The following PCSK6 variants were observed in gnomAD, a reference collection of about 807,000 sequenced individuals.
The protein encoded by PCSK6 is proprotein convertase subtilisin/kexin type 6.
Under a neutral mutation model 123.3 loss-of-function variants are expected in PCSK6, and 85 were observed. The observed-to-expected ratio is 0.69, with a 90% CI of 0.58 to 0.83. The LOEUF is 0.83. PCSK6 is among the 40% of genes least tolerant of loss of function. The pLI, the probability that PCSK6 is intolerant of heterozygous loss-of-function variation, is 0.00. For missense variants in PCSK6, 1,191 were observed against 1,282.3 expected (o/e 0.93, Z 1.09); for synonymous variants, 508 against 516.0 (o/e 0.98, Z 0.21).
In PCSK6 at chr15:101,389,582, A is replaced by G. The variant is rs750716012; in HGVS notation, c.1210-18T>C. On this transcript the variant is annotated intron_variant, in intron 8 of 21. Coordinates refer to ENST00000611716, the MANE Select transcript of PCSK6 (RefSeq NM_002570.5). ...GTGGTGACCTGGGGGAGAGAGAAGC[A>G]CAGTGAGGCAGTGATGGCAGACAGG... The G allele has an allele frequency of 6.9e-6, 11 of 1,592,224 alleles. No homozygotes were observed. In the Admixed American group the frequency reaches 1.7e-4, roughly 24 times the overall value.
chr15:101,350,704 C>T (rs952968951), intron 13 of PCSK6, among the ~76,000 whole-genome samples: 30 of 152,168 alleles, frequency 2.0e-4, no homozygotes, highest in African/African-American at 7.0e-4. Flanking sequence ...AGTGGCTGGC[C>T]CCCGCAAGCA....
Position 101,489,488 on chromosome 15 carries a change from G to T in PCSK6, c.183C>A (p.Cys61Ter), listed in dbSNP as rs1334310211. 9.3e-7 allele frequency: 1 copy of T among 1,071,168 alleles called. No homozygotes were observed. Among genetic ancestry groups the T allele is most frequent in the Non-Finnish European group, 1.1e-6 (1 of 886,490 alleles). 66.4% of individuals were successfully genotyped at this position (1,071,168 alleles called of 1,614,324 possible). Reference sequence around the variant, plus strand: ...AGACGGGGCGCGGCGGGGGCGCGGAGCAGGCGGCAGGCAGCGCCAGCAGCA... The same window carrying T: ...AGACGGGGCGCGGCGGGGGCGCGGATCAGGCGGCAGGCAGCGCCAGCAGCA... ...WLLLLALPAACSAPPPRPVYT... is the reference protein window; with the variant it reads ...WLLLLALPAA Residue 61 changes from cysteine to a stop codon, truncating the protein, a stop_gained, in exon 1 of 22, where the codon TGC becomes TGA. Transcript: ENST00000611716. LOFTEE classifies it high-confidence loss of function.
At chr15:101,348,140 C>A (rs1469187059) in intron 13 of PCSK6, among the ~76,000 whole-genome samples, 2 of 150,380 alleles carry the variant, frequency 1.3e-5, no homozygotes. Context: ...AAAGCCACAA[C>A]CCCCGCCCCC....
chr15:101,440,431 C>T (rs75251707), intron 2 of PCSK6, among the ~76,000 whole-genome samples: 2,743 of 152,326 alleles, frequency 0.018, 66 homozygotes, highest in African/African-American at 0.057. Flanking sequence ...CTGACACCCC[C>T]TTGAGTTTTG....
At chr15:101,389,992 C>T (rs1014687784) in intron 8 of PCSK6, among the ~76,000 whole-genome samples, 2 of 152,218 alleles carry the variant, frequency 1.3e-5, no homozygotes, top group African/African-American at 4.8e-5. Context: ...TCCACACTAG[C>T]TACCCCTAAG....
chr15:101,467,810 A>G (rs1379876783), intron 1 of PCSK6, among the ~76,000 whole-genome samples: 1 of 152,138 alleles, frequency 6.6e-6, no homozygotes, highest in African/African-American at 2.4e-5. Context: ...CTCAAAACCA[A>G]AGCTAAGCAA....
At chr15:101,399,199 C>G (rs1259039430) in intron 6 of PCSK6, among the ~76,000 whole-genome samples, 2 of 152,236 alleles carry the variant, frequency 1.3e-5, no homozygotes, top group African/African-American at 2.4e-5. Flanking sequence ...CCACTCCTGG[C>G]CAAAAGGCAC....
In PCSK6 at chr15:101,366,312, T is replaced by C. The variant is rs373566621; in HGVS notation, c.1742A>G (p.Glu581Gly). The change falls in exon 13 of 22, where the codon GAA becomes GGA. Residue 581 changes from glutamate to glycine, a missense_variant. Physicochemically the swap from Glu to Gly is moderately conservative, Grantham distance 98. Coordinates refer to ENST00000611716, the MANE Select transcript of PCSK6 (RefSeq NM_002570.5). Reference protein sequence around the residue: ...LAKRLLDLSNEGFTNWEFMTV... With the variant: ...LAKRLLDLSNGGFTNWEFMTV... ...CATGAATTCCCAGTTTGTAAACCCT[T>C]CATTGGAAAGATCCAGCAACCTGCA... is the stretch of plus-strand genomic sequence containing the variant. 3.1e-6 allele frequency: 5 copies of C among 1,612,654 alleles called. No individual in the cohort carries two copies. Among genetic ancestry groups the C allele is most frequent in the Admixed American group, 1.7e-5 (1 of 59,862 alleles).
chr15:101,308,729 A>T (rs1451890375), intron 20 of PCSK6: 1 of 152,068 alleles, frequency 6.6e-6, no homozygotes, highest in Non-Finnish European at 1.5e-5. Flanking sequence ...TGCCCCCATC[A>T]TGCTGCCCCC....
intron 13 of PCSK6, among the ~76,000 whole-genome samples, chr15:101,352,066 C>T (rs2040904213): frequency 6.6e-6 from 1 of 150,534 alleles, no homozygotes; most frequent in African/African-American, 2.5e-5. Context: ...AACCCATGGG[C>T]TAGACAGAAG....
chr15:101,449,228 A>T (rs2056970566), intron 1 of PCSK6, among the ~76,000 whole-genome samples: 1 of 152,228 alleles, frequency 6.6e-6, no homozygotes, highest in African/African-American at 2.4e-5. Flanking sequence ...ACTACTTATA[A>T]TACCTAATAC....
chr15:101,391,020 C>T (rs1316597559), intron 8 of PCSK6, among the ~76,000 whole-genome samples: 1 of 152,068 alleles, frequency 6.6e-6, no homozygotes, highest in South Asian at 2.1e-4. Flanking sequence ...TCCTTGCACA[C>T]GTTTGAGCTG....
chr15:101,332,887 G>A (rs995157569), intron 13 of PCSK6, among the ~76,000 whole-genome samples: 1 of 152,164 alleles, frequency 6.6e-6, no homozygotes, highest in Admixed American at 6.5e-5. Flanking sequence ...AATTCCTGAT[G>A]TTATAAAACA....
At chr15:101,315,073 G>A (rs1295727552) in intron 19 of PCSK6, among the ~76,000 whole-genome samples, 1 of 152,208 alleles carries the variant, frequency 6.6e-6, no homozygotes, top group Non-Finnish European at 1.5e-5. Context: ...TCCAGCACCA[G>A]GGTCCTTAAC....
chr15:101,330,887 C>A (rs554660249), intron 15 of PCSK6, among the ~76,000 whole-genome samples: 2 of 152,070 alleles, frequency 1.3e-5, no homozygotes, highest in Admixed American at 6.6e-5. Context: ...TGGAATTGAC[C>A]GTAATTTATA....
chr15:101,368,521 G>T (rs970459459), intron 12 of PCSK6, among the ~76,000 whole-genome samples: 1 of 152,172 alleles, frequency 6.6e-6, no homozygotes, highest in Non-Finnish European at 1.5e-5. Context: ...GCAGGGTGTG[G>T]GCCAACTCTC....
chr15:101,363,038 G>A (rs2041281613), intron 13 of PCSK6, among the ~76,000 whole-genome samples: 2 of 152,236 alleles, frequency 1.3e-5, no homozygotes, highest in Non-Finnish European at 2.9e-5. Flanking sequence ...GGCCATGGCA[G>A]GCAGCTTGTT....
chr15:101,472,590 G>T (rs1490345435), intron 1 of PCSK6, among the ~76,000 whole-genome samples: 7 of 152,228 alleles, frequency 4.6e-5, no homozygotes, highest in Admixed American at 3.9e-4. Flanking sequence ...GTGGCGCCTG[G>T]TCACTGAGAC....
intron 17 of PCSK6, among the ~76,000 whole-genome samples, chr15:101,323,922 G>A (rs945889142): frequency 7.9e-5 from 12 of 152,260 alleles, no homozygotes; most frequent in East Asian, 1.9e-4. Context: ...AGTGCCAAAC[G>A]GTAGCTTCTT....
Sources: allele counts gnomAD v4.1 joint callset (sites outside exome capture counted in the v4.1 genomes callset), GRCh38; gene constraint gnomAD v4.1.1; transcripts MANE v1.5; gene names NCBI Gene and HGNC (gene_info 2026-07-23, HGNC 2026-07-21).